DLG2: variants seen among roughly 807,000 people sequenced by gnomAD.
The protein encoded by DLG2 is disks large homolog 2.
Under a neutral mutation model 132.5 loss-of-function variants are expected in DLG2, and 45 were observed. That is an observed-to-expected ratio of 0.34 (90% CI 0.27 to 0.44). DLG2 has a LOEUF of 0.44. Ranked by LOEUF, DLG2 falls within the 20% of genes least tolerant of loss-of-function variation. The pLI, the probability that DLG2 is intolerant of heterozygous loss-of-function variation, is 1.00. For synonymous variants in DLG2, 424 were observed against 419.6 expected, an observed-to-expected ratio of 1.01 and a Z score of -0.13; for missense variants, 1,045 against 1,196.9, an observed-to-expected ratio of 0.87 and a Z score of 1.87.
intron 18 of DLG2, among the ~76,000 whole-genome samples, chr11:83,771,068 C>G (rs1298398671): frequency 1.3e-5 from 2 of 152,160 alleles, no homozygotes; most frequent in Non-Finnish European, 2.9e-5. Flanking sequence ...ACACCCCTCC[C>G]AATAATCTTC....
intron 4 of DLG2, among the ~76,000 whole-genome samples, chr11:85,259,043 T>C (rs1261011185): frequency 1.3e-5 from 2 of 152,204 alleles, no homozygotes; most frequent in African/African-American, 2.4e-5. Context: ...CCCCTTACTT[T>C]AAGACTAATT....
At chr11:83,510,829 C>CAT (rs2094968997) in intron 21 of DLG2, among the ~76,000 whole-genome samples, 2 of 72,802 alleles carry the variant, frequency 2.7e-5, no homozygotes, top group Non-Finnish European at 5.7e-5. Flanking sequence ...CTGAACCATC[C>CAT]GTTTTTTTTT....
chr11:84,642,689 G>C (rs570947334), intron 6 of DLG2, among the ~76,000 whole-genome samples: 1 of 152,288 alleles, frequency 6.6e-6, no homozygotes, highest in South Asian at 2.1e-4. Context: ...ACCACAGCTA[G>C]AGGTTCCCCA....
intron 6 of DLG2, chr11:84,936,572 CAT>C (rs1406809982): frequency 2.0e-5 from 3 of 151,992 alleles, no homozygotes; most frequent in Non-Finnish European, 2.9e-5. Context: ...ATTCTATATA[CAT>C]ATTTTATACA....
At chr11:85,018,410 C>T (rs1243572682) in intron 6 of DLG2, among the ~76,000 whole-genome samples, 1 of 152,114 alleles carries the variant, frequency 6.6e-6, no homozygotes, top group African/African-American at 2.4e-5. Context: ...TTAACTGTCT[C>T]TGTCTGACAT....
chr11:84,982,376 C>T (rs868515982), intron 6 of DLG2, among the ~76,000 whole-genome samples: 22 of 152,142 alleles, frequency 1.4e-4, no homozygotes, highest in Middle Eastern at 3.4e-3. Context: ...TCTTACAAAG[C>T]GGATGATATC....
intron 7 of DLG2, among the ~76,000 whole-genome samples, chr11:84,299,714 T>C (rs933078549): frequency 2.6e-5 from 4 of 152,232 alleles, no homozygotes; most frequent in Non-Finnish European, 5.9e-5. Flanking sequence ...CATAGGGAAC[T>C]CCCAATTATG....
chr11:83,861,631 G>A (rs966050882), intron 16 of DLG2, among the ~76,000 whole-genome samples: 6 of 151,962 alleles, frequency 3.9e-5, no homozygotes, highest in Admixed American at 1.3e-4. Flanking sequence ...AAAGATAAAC[G>A]TCATATTTTC....
intron 10 of DLG2, 135 bp from the exon 11 acceptor site, chr11:84,059,619 G>T (rs2096559160): frequency 2.7e-6 from 2 of 731,536 alleles, no homozygotes; most frequent in East Asian, 3.0e-5. Flanking sequence ...AATTTGGAAG[G>T]ATGCTTCAAA....
intron 6 of DLG2, among the ~76,000 whole-genome samples, chr11:84,815,082 G>C (rs764546356): frequency 6.6e-6 from 1 of 152,048 alleles, no homozygotes; most frequent in Admixed American, 6.6e-5. Context: ...CAGTAGGAAA[G>C]TCTCATGATC....
chr11:84,941,169 C>T (rs2049369834), intron 6 of DLG2, among the ~76,000 whole-genome samples: 1 of 152,172 alleles, frequency 6.6e-6, no homozygotes, highest in Non-Finnish European at 1.5e-5. Flanking sequence ...ACGACTCCTC[C>T]AGTTTTGTTC....
chr11:83,974,876 T>C (rs1040187254), intron 12 of DLG2, among the ~76,000 whole-genome samples: 2 of 152,082 alleles, frequency 1.3e-5, no homozygotes, highest in Non-Finnish European at 2.9e-5. Flanking sequence ...TTACTTTTCC[T>C]GTCACTTACT....
At chr11:83,540,267 G>A (rs67025044) in intron 20 of DLG2, among the ~76,000 whole-genome samples, 36,348 of 152,078 alleles carry the variant, frequency 0.24, 5,010 homozygotes, top group African/African-American at 0.36. Flanking sequence ...GGAGAGACCC[G>A]GAATATAAAC....
chr11:84,544,920 A>G (rs909533233), intron 6 of DLG2, among the ~76,000 whole-genome samples: 2 of 152,226 alleles, frequency 1.3e-5, no homozygotes, highest in African/African-American at 4.8e-5. Context: ...ACTTCCACAG[A>G]ACAGAAACAA....
chr11:83,844,820 C>T (rs1375590075), intron 16 of DLG2, among the ~76,000 whole-genome samples: 1 of 152,006 alleles, frequency 6.6e-6, no homozygotes, highest in Non-Finnish European at 1.5e-5. Context: ...ATCTGGCCAT[C>T]CTAGCTCAAT....
intron 6 of DLG2, chr11:84,720,181 G>T (rs2061649812): frequency 1.2e-6 from 1 of 821,594 alleles, no homozygotes; most frequent in East Asian, 1.2e-4. Context: ...AAAGAGCAGA[G>T]CAGTCGCAGC....
At chr11:85,320,685 A>T (rs564966326) in intron 3 of DLG2, among the ~76,000 whole-genome samples, 1 of 152,060 alleles carries the variant, frequency 6.6e-6, no homozygotes, top group Non-Finnish European at 1.5e-5. Flanking sequence ...AAGTAGACAG[A>T]CACTTGAAGA....
intron 17 of DLG2, among the ~76,000 whole-genome samples, chr11:83,793,651 A>C (rs2042110379): frequency 6.6e-6 from 1 of 152,188 alleles, no homozygotes; most frequent in Admixed American, 6.5e-5. Flanking sequence ...TAGGTTTCCT[A>C]GGTAACCTGG....
intron 3 of DLG2, among the ~76,000 whole-genome samples, chr11:85,494,428 G>T (rs114305535): frequency 0.013 from 2,029 of 152,082 alleles, 53 homozygotes; most frequent in African/African-American, 0.046. Context: ...TGTGGTAACT[G>T]GGAAAAACAA....
Sources: allele counts gnomAD v4.1 joint callset (sites outside exome capture counted in the v4.1 genomes callset), GRCh38; gene constraint gnomAD v4.1.1; transcripts MANE v1.5; gene names NCBI Gene and HGNC (gene_info 2026-07-23, HGNC 2026-07-21).